SHC3: variants seen among roughly 807,000 people sequenced by gnomAD.
SHC3 encodes SHC-transforming protein 3.
Under a neutral mutation model 60.4 loss-of-function variants are expected in SHC3, and 15 were observed. The observed-to-expected ratio is 0.25, with a 90% confidence interval of 0.17 to 0.38. The LOEUF (loss-of-function observed/expected upper bound fraction) is 0.38, where lower values mean the gene tolerates loss of function less well. Among genes scored for constraint, SHC3 ranks in the 10% least tolerant of loss-of-function variants. SHC3 has a pLI of 1.00. For missense variants in SHC3, 677 were observed against 786.1 expected (o/e 0.86, Z 1.66); for synonymous variants, 294 against 325.9 (o/e 0.90, Z 1.05).
intron 1 of SHC3, among the ~76,000 whole-genome samples, chr9:89,113,808 C>G (rs767853701): frequency 6.6e-6 from 1 of 152,172 alleles, no homozygotes; most frequent in South Asian, 2.1e-4. Flanking sequence ...ATACCACTAC[C>G]AAGGCAGATA....
At chr9:89,177,248 A>G (rs1448907195) in intron 1 of SHC3, among the ~76,000 whole-genome samples, 1 of 152,176 alleles carries the variant, frequency 6.6e-6, no homozygotes, top group African/African-American at 2.4e-5. Context: ...TCGTGATTTT[A>G]TCATCTTTGT....
rs1826479248 is a variant in SHC3, at chr9:89,147,100, T to C, written c.474+30887A>G. Among the ~76,000 whole-genome samples the C allele has an allele frequency of 2.0e-5, 3 of 151,368 alleles. No individual in the cohort carries two copies. The South Asian group carries it at 6.3e-4, about 32-fold the overall frequency. Reference sequence around the variant, plus strand: ...TGTGATATGTTCATGAAATATAATATCGCATAGAAATGAGAATAGAAGAGC... The same window carrying C: ...TGTGATATGTTCATGAAATATAATACCGCATAGAAATGAGAATAGAAGAGC... On this transcript the variant is annotated intron_variant, in intron 1 of 11. Coordinates refer to ENST00000375835, the MANE Select transcript of SHC3 (RefSeq NM_016848.6).
intron 1 of SHC3, among the ~76,000 whole-genome samples, chr9:89,127,824 T>A (rs1312015042): frequency 1.3e-5 from 2 of 151,218 alleles, no homozygotes; most frequent in Non-Finnish European, 2.9e-5. Context: ...GGAGATGGGC[T>A]GATTCCCTCT....
chr9:89,022,328 C>T (rs539118711), intron 11 of SHC3, among the ~76,000 whole-genome samples: 1 of 152,128 alleles, frequency 6.6e-6, no homozygotes, highest in Non-Finnish European at 1.5e-5. Flanking sequence ...AAGCTCAGAC[C>T]TCCCACTTCC....
At chr9:89,127,719 T>C (rs13302247) in intron 1 of SHC3, among the ~76,000 whole-genome samples, 2 of 152,040 alleles carry the variant, frequency 1.3e-5, no homozygotes, top group African/African-American at 4.8e-5. Context: ...CCTCTTCGCA[T>C]GTTTGTATTA....
chr9:89,106,652 T>C (rs1308651544), intron 2 of SHC3, among the ~76,000 whole-genome samples: 4 of 152,006 alleles, frequency 2.6e-5, no homozygotes, highest in African/African-American at 9.7e-5. Context: ...CTGGGGGTGG[T>C]TCTCCCTTCC....
At position 89,013,588 on chromosome 9, in the gene SHC3, C is replaced by A. The variant is rs779200925; in HGVS notation, c.1657-13G>T. ...CCTTTGTCCGGATCTATGAATGAAG[C>A]AAAGGAAAGGTTAAGCACATCTCAC... On this transcript the variant is annotated splice_polypyrimidine_tract_variant and intron_variant, in intron 11 of 11. Transcript: ENST00000375835. The A allele has an allele frequency of 6.2e-7, 1 of 1,606,476 alleles. No individual in the cohort carries two copies. The highest frequency in any genetic ancestry group is 8.5e-7 in the Non-Finnish European group (1 of 1,176,474).
intron 1 of SHC3, among the ~76,000 whole-genome samples, chr9:89,150,161 T>C (rs560892073): frequency 1.3e-5 from 2 of 152,210 alleles, no homozygotes; most frequent in African/African-American, 2.4e-5. Context: ...ATCAAAGGTA[T>C]GTATGTATAG....
intron 1 of SHC3, among the ~76,000 whole-genome samples, chr9:89,144,405 T>C (rs1002299895): frequency 6.6e-6 from 1 of 152,220 alleles, no homozygotes; most frequent in Non-Finnish European, 1.5e-5. Flanking sequence ...AAACGCAAGC[T>C]GCTAGGCCCC....
Position 89,173,200 on chromosome 9 carries a change from C to T in SHC3, c.474+4787G>A, listed in dbSNP as rs150897866. Among the ~76,000 whole-genome samples, 926 of 152,348 alleles carry T rather than the reference C, an allele frequency of 6.1e-3. 9 individuals carry two copies. The highest frequency in any genetic ancestry group is 0.021 in the African/African-American group (867 of 41,586). ...GTGGAGCTGCAGCCCAGGTGTCCTG[C>T]CTTTCACCAGTCCAGGACCTTCACC... On this transcript the variant is annotated intron_variant, in intron 1 of 11. Coordinates refer to ENST00000375835, the MANE Select transcript of SHC3 (RefSeq NM_016848.6).
intron 11 of SHC3, among the ~76,000 whole-genome samples, chr9:89,027,556 T>C (rs1826339593): frequency 6.6e-6 from 1 of 150,652 alleles, no homozygotes; most frequent in Admixed American, 6.6e-5. Flanking sequence ...GACCTCGTGA[T>C]CCGCCCGCCT....
chr9:89,071,115 G>C (rs1825263415), intron 5 of SHC3, 84 bp downstream of exon 5: 3 of 1,311,514 alleles, frequency 2.3e-6, no homozygotes, highest in African/African-American at 2.9e-5. Context: ...TTTTTACAGT[G>C]TCTTGCAAGG....
rs140120796 is a variant in SHC3 at position 89,013,032 on chromosome 9, C to T, written c.*415G>A. On this transcript the variant is annotated 3_prime_UTR_variant, in exon 12 of 12. Coordinates refer to ENST00000375835, the MANE Select transcript of SHC3 (RefSeq NM_016848.6). Reference sequence around the variant, plus strand: ...CCTCACAATTCTGTGTTTCTATTCCCCTCCAGTTGTGCTTATTAGGTAAAA... The same window carrying T: ...CCTCACAATTCTGTGTTTCTATTCCTCTCCAGTTGTGCTTATTAGGTAAAA... 1 of 152,720 alleles carries T rather than the reference C, an allele frequency of 6.5e-6. No individual in the cohort carries two copies. The highest frequency in any genetic ancestry group is 6.5e-5 in the Admixed American group (1 of 15,296). The allele number at this position is 152,720 out of a possible 1,614,324, so 9.5% of individuals were successfully genotyped here.
intron 11 of SHC3, among the ~76,000 whole-genome samples, chr9:89,015,366 G>A (rs1379416852): frequency 6.6e-6 from 1 of 152,196 alleles, no homozygotes; most frequent in African/African-American, 2.4e-5. Context: ...GTCTCAATGT[G>A]GTCTCACCTC....
At chr9:89,109,005 G>A (rs747300593) in intron 2 of SHC3, 26 of 959,156 alleles carry the variant, frequency 2.7e-5, no homozygotes, top group South Asian at 4.8e-5. Flanking sequence ...AGCATTCCTC[G>A]ACTTCTGACA....
chr9:89,052,002 T>G, intron 7 of SHC3, 35 bp downstream of exon 7: 1 of 1,609,548 alleles, frequency 6.2e-7, no homozygotes, highest in Non-Finnish European at 8.5e-7. Context: ...AAAACCCACA[T>G]AGGCTATTGC....
At chr9:89,144,928 C>G (rs1177468820) in intron 1 of SHC3, among the ~76,000 whole-genome samples, 1 of 152,104 alleles carries the variant, frequency 6.6e-6, no homozygotes, top group Non-Finnish European at 1.5e-5. Context: ...CTTTCTTTAA[C>G]AAACGGCAGC....
chr9:89,045,334 G>T (rs573258012), intron 9 of SHC3, among the ~76,000 whole-genome samples: 3 of 148,652 alleles, frequency 2.0e-5, no homozygotes, highest in Non-Finnish European at 4.4e-5. Flanking sequence ...AGGCTGGAGC[G>T]CAATGGCATC....
intron 11 of SHC3, among the ~76,000 whole-genome samples, chr9:89,023,092 G>A (rs1243494539): frequency 6.6e-6 from 1 of 152,316 alleles, no homozygotes; most frequent in Middle Eastern, 3.4e-3. Flanking sequence ...GGAAGGGAGG[G>A]CAGGCGCAGG....
Sources: gnomAD v4.1 joint callset for allele counts (sites outside exome capture counted in the v4.1 genomes callset) on GRCh38, gnomAD v4.1.1 for gene constraint, MANE v1.5 for transcripts, NCBI Gene and HGNC (gene_info 2026-07-23, HGNC 2026-07-21) for gene names.